The following CERT1 variants were observed in gnomAD, a reference collection of about 807,000 sequenced individuals.
The protein encoded by CERT1 is ceramide transfer protein.
Under a neutral mutation model 87.9 loss-of-function variants are expected in CERT1, and 31 were observed. The observed-to-expected ratio is 0.35, with a 90% CI of 0.27 to 0.48. The LOEUF (loss-of-function observed/expected upper bound fraction) is 0.48, where lower values mean the gene tolerates loss of function less well. Among genes scored for constraint, CERT1 ranks in the 20% least tolerant of loss-of-function variants. The pLI, the probability that CERT1 is intolerant of heterozygous loss-of-function variation, is 0.99. For synonymous variants in CERT1, 289 were observed against 250.9 expected, an observed-to-expected ratio of 1.15 and a Z score of -1.44; for missense variants, 487 against 758.0, an observed-to-expected ratio of 0.64 and a Z score of 4.20.
At chr5:75,408,246 G>A (rs955985120) in intron 8 of CERT1, among the ~76,000 whole-genome samples, 3 of 152,118 alleles carry the variant, frequency 2.0e-5, no homozygotes, top group Non-Finnish European at 4.4e-5. Flanking sequence ...AGGCTCCAAA[G>A]GAAGGTCTTC....
intron 3 of CERT1, among the ~76,000 whole-genome samples, chr5:75,443,527 CAG>C (rs1355363263): frequency 1.1e-4 from 16 of 152,120 alleles, no homozygotes; most frequent in Admixed American, 1.0e-3. Context: ...CAGCTGTGGT[CAG>C]AGAGGACACT....
chr5:75,478,188 C>T (rs1766060022), intron 2 of CERT1, among the ~76,000 whole-genome samples: 1 of 151,996 alleles, frequency 6.6e-6, no homozygotes, highest in Non-Finnish European at 1.5e-5. Flanking sequence ...TGGCGCAGCA[C>T]CTGTAATCCC....
At chr5:75,496,820 A>C (rs1323457886) in intron 2 of CERT1, among the ~76,000 whole-genome samples, 1 of 152,196 alleles carries the variant, frequency 6.6e-6, no homozygotes, top group Non-Finnish European at 1.5e-5. Flanking sequence ...GGCAGAAGAG[A>C]ACTATCTGGG....
In CERT1 at chr5:75,448,685, T is replaced by C. The variant is rs188645290; in HGVS notation, c.348+10380A>G. Among the ~76,000 whole-genome samples the C allele has an allele frequency of 1.3e-3, 198 of 152,212 alleles. 1 individual carries two copies. The highest frequency in any genetic ancestry group is 2.2e-3 in the Non-Finnish European group (149 of 67,974). On this transcript the variant is annotated intron_variant, in intron 3 of 16. Coordinates refer to ENST00000643780, the MANE Select transcript of CERT1 (RefSeq NM_001379029.1). ...CACCATTACTTTTCCATATTAAATATAGAAAAAAGCAGAATCCCATGTGTC... is the reference window on the plus strand; with the variant it reads ...CACCATTACTTTTCCATATTAAATACAGAAAAAAGCAGAATCCCATGTGTC...
At chr5:75,511,907 G>C (rs2112497928), upstream of CERT1, 3 of 1,328,004 alleles carry the variant, frequency 2.3e-6, no homozygotes, top group South Asian at 2.8e-5. Context: ...GCGATCCTGA[G>C]GTAACGGGTG....
chr5:75,398,356 A>G (rs1275355428), intron 11 of CERT1, among the ~76,000 whole-genome samples: 1 of 152,158 alleles, frequency 6.6e-6, no homozygotes, highest in Non-Finnish European at 1.5e-5. Context: ...AAATTATGTT[A>G]TAATAGCAAT....
intron 2 of CERT1, among the ~76,000 whole-genome samples, chr5:75,494,150 T>C (rs77075410): frequency 0.015 from 2,246 of 152,350 alleles, 49 homozygotes; most frequent in African/African-American, 0.05. Flanking sequence ...TCCTTTGCTG[T>C]CTGCTCATTT....
chr5:75,469,753 G>T (rs1252217732), intron 2 of CERT1, among the ~76,000 whole-genome samples: 1 of 151,840 alleles, frequency 6.6e-6, no homozygotes, highest in Non-Finnish European at 1.5e-5. Flanking sequence ...AAATATAAAT[G>T]GATTAAATTC....
chr5:75,419,553 T>C (rs1443457902), intron 5 of CERT1, 129 bp from the exon 6 acceptor site: 2 of 652,610 alleles, frequency 3.1e-6, no homozygotes, highest in East Asian at 5.6e-5. Context: ...TCTTTGTATT[T>C]TCACTGGTAA....
In CERT1 at chr5:75,381,947, A is replaced by T. The variant is rs1445313367; in HGVS notation, c.1617+2T>A. The T allele has an allele frequency of 6.2e-7, 1 of 1,611,690 alleles. No homozygotes were observed. Among genetic ancestry groups the T allele is most frequent in the Non-Finnish European group, 8.5e-7 (1 of 1,178,910 alleles). The stretch of plus-strand genomic sequence containing the variant: ...TATACACATTTATATACATGTACTT[A>T]CAGGAGCACTGTCATGATCCACAGA... On this transcript the variant is annotated splice_donor_variant, in intron 15 of 16. Transcript: ENST00000643780. LOFTEE classifies it high-confidence loss of function.
chr5:75,468,213 A>T (rs745546142), intron 2 of CERT1, among the ~76,000 whole-genome samples: 2 of 152,220 alleles, frequency 1.3e-5, no homozygotes, highest in African/African-American at 2.4e-5. Flanking sequence ...ATGCATTAAC[A>T]CATCTTCAAA....
intron 8 of CERT1, among the ~76,000 whole-genome samples, chr5:75,407,988 G>A (rs1288338214): frequency 6.8e-6 from 1 of 148,056 alleles, no homozygotes; most frequent in Non-Finnish European, 1.5e-5. Flanking sequence ...ACATTGCAAT[G>A]TAAAAGATCT....
intron 7 of CERT1, among the ~76,000 whole-genome samples, chr5:75,413,063 C>T (rs1050042018): frequency 9.9e-5 from 15 of 152,082 alleles, no homozygotes; most frequent in African/African-American, 3.4e-4. Context: ...ATTCTACAAA[C>T]ATTTTTCTAT....
rs1365172809 is a variant in CERT1, at chr5:75,467,364, G to A, written c.232-8183C>T. Among the ~76,000 whole-genome samples the A allele has an allele frequency of 4.6e-5, 7 of 152,216 alleles. No individual in the cohort carries two copies. The East Asian group carries it at 7.7e-4, about 17-fold the overall frequency. ...CTATAAAGAGGTAGCATATGAAGCC[G>A]GACGTGGTAGCTCACGCCTGTAATC... is the stretch of plus-strand genomic sequence containing the variant. On this transcript the variant is annotated intron_variant, in intron 2 of 16. Transcript: ENST00000643780.
At chr5:75,415,031 T>C (rs997799467) in intron 7 of CERT1, among the ~76,000 whole-genome samples, 2 of 151,854 alleles carry the variant, frequency 1.3e-5, no homozygotes, top group African/African-American at 4.8e-5. Context: ...TTAGTGTGTA[T>C]ATATACACAC....
Position 75,384,629 on chromosome 5 carries a change from A to G in CERT1, c.1488+13T>C. 2.6e-6 allele frequency: 4 copies of G among 1,563,944 alleles called. No homozygotes were observed. The African/African-American group carries it at 4.1e-5, about 16-fold the overall frequency. On this transcript the variant is annotated intron_variant, in intron 14 of 16. Coordinates refer to ENST00000643780, the MANE Select transcript of CERT1 (RefSeq NM_001379029.1). ...CATTGAAATCCTTTTAGGATGAATG[A>G]AGAGATCTTTACCTTGTGTGTTTGA...
At position 75,405,145 on chromosome 5, in the gene CERT1, TA is replaced by T. The variant is rs975778375; in HGVS notation, c.931-2088del. 1.1e-4 allele frequency among the ~76,000 whole-genome samples: 17 copies of T among 152,044 alleles called. No individual in the cohort carries two copies. In the South Asian group the frequency reaches 2.3e-3, roughly 20 times the overall value. ...AAATTTTCTTTATTAAAAGGGACTT[TA>T]AAAAAAACCCTTTTATCTCATCATG... On this transcript the variant is annotated intron_variant, in intron 8 of 16. Transcript: ENST00000643780.
intron 8 of CERT1, among the ~76,000 whole-genome samples, chr5:75,404,700 T>C (rs568033328): frequency 1.6e-4 from 25 of 152,270 alleles, no homozygotes; most frequent in South Asian, 1.0e-3. Context: ...AGGAGTCTAA[T>C]TGAAAACTAC....
intron 3 of CERT1, among the ~76,000 whole-genome samples, chr5:75,430,188 C>CA (rs1373850527): frequency 5.3e-5 from 8 of 152,222 alleles, no homozygotes; most frequent in African/African-American, 1.9e-4. Flanking sequence ...TACCAGTTGC[C>CA]AAAGTAAAAT....
Sources: allele counts gnomAD v4.1 joint callset (sites outside exome capture counted in the v4.1 genomes callset), GRCh38; gene constraint gnomAD v4.1.1; transcripts MANE v1.5; gene names NCBI Gene and HGNC (gene_info 2026-07-23, HGNC 2026-07-21).